Variants in NRXN1 observed in about 807,000 individuals in gnomAD.
The protein encoded by NRXN1 is neurexin-1.
A neutral mutation model predicts 150.9 loss-of-function variants in NRXN1; 39 were observed. The observed-to-expected ratio is 0.26, with a 90% CI of 0.20 to 0.34. The LOEUF (loss-of-function observed/expected upper bound fraction) is 0.34, where lower values mean the gene tolerates loss of function less well. NRXN1 is among the 10% of genes least tolerant of loss of function. The pLI, the probability that NRXN1 is intolerant of heterozygous loss-of-function variation, is 1.00. For missense variants in NRXN1, 1,815 were observed against 1,949.9 expected, an observed-to-expected ratio of 0.93 and a Z score of 1.30; for synonymous variants, 924 against 757.0, an observed-to-expected ratio of 1.22 and a Z score of -3.62.
At chr2:50,515,184 C>T (rs2092592723) in intron 12 of NRXN1, among the ~76,000 whole-genome samples, 1 of 152,152 alleles carries the variant, frequency 6.6e-6, no homozygotes, top group South Asian at 2.1e-4. Flanking sequence ...CTATTGTGAA[C>T]TGCACATGCA....
chr2:50,369,907 C>A lies in NRXN1; in HGVS notation c.3364+95535G>T, dbSNP rs189970656. On this transcript the variant is annotated intron_variant, in intron 17 of 22. Transcript: ENST00000401669. ...CATTGGGAGGAGACTGTAGTGTGAA[C>A]TAAGCAAATTAGAGAATGTAGAAGA... Among the ~76,000 whole-genome samples, 4 of 151,926 alleles carry A rather than the reference C, an allele frequency of 2.6e-5. No individual in the cohort carries two copies. The East Asian group carries it at 5.8e-4, about 22-fold the overall frequency.
chr2:50,583,349 C>G (rs1025101061), intron 8 of NRXN1, among the ~76,000 whole-genome samples: 2 of 152,106 alleles, frequency 1.3e-5, no homozygotes, highest in African/African-American at 4.8e-5. Context: ...GCGCCTCTAC[C>G]TTTTAACCTG....
At chr2:50,601,413 T>A (rs1676252229) in intron 8 of NRXN1, among the ~76,000 whole-genome samples, 1 of 152,156 alleles carries the variant, frequency 6.6e-6, no homozygotes, top group Non-Finnish European at 1.5e-5. Context: ...GACACCTGTT[T>A]TTCAGGATGG....
intron 19 of NRXN1, among the ~76,000 whole-genome samples, chr2:50,065,074 C>T (rs955077260): frequency 1.3e-5 from 2 of 152,004 alleles, no homozygotes; most frequent in African/African-American, 4.8e-5. Context: ...CCAGTTTTTC[C>T]GTATGAAAGT....
At chr2:50,185,680 G>A (rs1346649349) in intron 18 of NRXN1, 1 of 151,992 alleles carries the variant, frequency 6.6e-6, no homozygotes, top group African/African-American at 2.4e-5. Flanking sequence ...CAATATGGGA[G>A]GAGTCTGCAT....
At chr2:50,635,076 C>T (rs1358756742) in intron 5 of NRXN1, among the ~76,000 whole-genome samples, 1 of 152,092 alleles carries the variant, frequency 6.6e-6, no homozygotes, top group Non-Finnish European at 1.5e-5. Context: ...CTAGGTGGCT[C>T]AAGCCAAAGA....
chr2:50,943,458 T>G (rs918571105), intron 2 of NRXN1, among the ~76,000 whole-genome samples: 1 of 152,196 alleles, frequency 6.6e-6, no homozygotes, highest in Non-Finnish European at 1.5e-5. Context: ...CAACAAGACA[T>G]ACTTTCTAAG....
intron 5 of NRXN1, among the ~76,000 whole-genome samples, chr2:50,721,484 AG>A (rs1696650513): frequency 6.6e-6 from 1 of 152,174 alleles, no homozygotes; most frequent in South Asian, 2.1e-4. Flanking sequence ...AGTTATTAAA[AG>A]AAGGGAAAAC....
In NRXN1 at chr2:50,019,925, G is replaced by A. The variant is rs371830520; in HGVS notation, c.4128+33346C>T. Among the ~76,000 whole-genome samples, 8 of 108,718 alleles carry A rather than the reference G, an allele frequency of 7.4e-5. 1 individual carries two copies. Among genetic ancestry groups the A allele is most frequent in the African/African-American group, 2.7e-4 (8 of 30,160 alleles). 71.3% of individuals were successfully genotyped at this position (108,718 alleles called of 152,430 possible). A position where few individuals can be genotyped will look rare whatever the true frequency, so the allele number is the denominator to read the frequency against. ...ATCGCGCCACTGCACTCCGGCCTGG[G>A]TGACAAAGCAAGACTCCGTCTCAAA... On this transcript the variant is annotated intron_variant, in intron 21 of 22. Transcript: ENST00000401669.
intron 17 of NRXN1, among the ~76,000 whole-genome samples, chr2:50,343,037 A>G (rs1268260947): frequency 1.3e-5 from 2 of 152,376 alleles, no homozygotes; most frequent in African/African-American, 2.4e-5. Flanking sequence ...ATATAACACC[A>G]TTAAGCAACT....
intron 6 of NRXN1, among the ~76,000 whole-genome samples, chr2:50,621,709 T>C (rs1325960550): frequency 2.0e-5 from 3 of 152,136 alleles, no homozygotes; most frequent in African/African-American, 7.2e-5. Flanking sequence ...TAGGAATCAG[T>C]TGGCATTGCC....
intron 5 of NRXN1, among the ~76,000 whole-genome samples, chr2:50,802,218 G>A (rs1050761689): frequency 1.3e-5 from 2 of 152,064 alleles, no homozygotes; most frequent in African/African-American, 4.8e-5. Flanking sequence ...TTGGCTGGGT[G>A]CAGTGGCTCA....
intron 21 of NRXN1, among the ~76,000 whole-genome samples, chr2:50,020,764 C>T (rs2152559384): frequency 6.6e-6 from 1 of 152,238 alleles, no homozygotes; most frequent in Non-Finnish European, 1.5e-5. Flanking sequence ...GAAATTCTCT[C>T]TTTAAAAAGT....
chr2:50,014,727 T>G (rs6545144), intron 21 of NRXN1, among the ~76,000 whole-genome samples: 1 of 151,996 alleles, frequency 6.6e-6, no homozygotes, highest in South Asian at 2.1e-4. Flanking sequence ...TAAACAAATT[T>G]TAAAGCCTCC....
At chr2:50,315,646 G>T (rs1185380818) in intron 17 of NRXN1, among the ~76,000 whole-genome samples, 1 of 152,116 alleles carries the variant, frequency 6.6e-6, no homozygotes, top group African/African-American at 2.4e-5. Flanking sequence ...TAAGCTCATT[G>T]TTCCATTCTC....
chr2:50,249,211 G>A (rs1374918499), intron 17 of NRXN1, among the ~76,000 whole-genome samples: 1 of 150,776 alleles, frequency 6.6e-6, no homozygotes, highest in African/African-American at 2.4e-5. Context: ...TGATTCAAAA[G>A]GCAGGGGATG....
intron 5 of NRXN1, among the ~76,000 whole-genome samples, chr2:50,669,527 T>G (rs367601502): frequency 1.3e-5 from 2 of 152,128 alleles, no homozygotes; most frequent in South Asian, 4.1e-4. Flanking sequence ...ACCACTGAAC[T>G]ATTTATTGCT....
At chr2:50,677,074 T>C (rs1689652104) in intron 5 of NRXN1, among the ~76,000 whole-genome samples, 1 of 152,162 alleles carries the variant, frequency 6.6e-6, no homozygotes, top group Non-Finnish European at 1.5e-5. Context: ...AAGTATGAAC[T>C]ATATAAGCCA....
chr2:50,084,923 T>C (rs1367251730), intron 19 of NRXN1, among the ~76,000 whole-genome samples: 1 of 152,236 alleles, frequency 6.6e-6, no homozygotes, highest in Non-Finnish European at 1.5e-5. Flanking sequence ...ACATTCAATA[T>C]ACTACTTAAT....
Sources: allele counts gnomAD v4.1 joint callset (sites outside exome capture counted in the v4.1 genomes callset), GRCh38; gene constraint gnomAD v4.1.1; transcripts MANE v1.5; gene names NCBI Gene and HGNC (gene_info 2026-07-23, HGNC 2026-07-21).